The following MYO5B variants were observed in gnomAD, a reference collection of about 807,000 sequenced individuals.
The protein encoded by MYO5B is unconventional myosin-Vb.
MYO5B carries 143 observed loss-of-function variants against 229.3 expected under a neutral mutation model. The ratio of observed to expected loss-of-function variants is 0.62; its 90% CI spans 0.54 to 0.72. The LOEUF is 0.72. Among genes scored for constraint, MYO5B ranks in the 30% least tolerant of loss-of-function variants. The probability of loss-of-function intolerance (pLI) is 0.00; values close to 1 mark genes in which losing one functional copy is unlikely to be tolerated. For synonymous variants in MYO5B, 918 were observed against 885.2 expected, an observed-to-expected ratio of 1.04 and a Z score of -0.66; for missense variants, 2,321 against 2,331.0, an observed-to-expected ratio of 1.00 and a Z score of 0.09.
In MYO5B at chr18:49,826,308, C is replaced by T; in HGVS notation, c.*163G>A. The T allele has an allele frequency of 2.4e-6, 2 of 824,658 alleles. No homozygotes were observed. Among genetic ancestry groups the T allele is most frequent in the South Asian group, 1.6e-5 (1 of 62,806 alleles). 51.1% of individuals were successfully genotyped at this position (824,658 alleles called of 1,614,324 possible). On this transcript the variant is annotated 3_prime_UTR_variant, in exon 40 of 40. Transcript: ENST00000285039. The stretch of plus-strand genomic sequence containing the variant: ...GAGCAGTAGGTACAAAAAATAATGA[C>T]ATAGTTGTGTCTAATTCTGTATAGT...
chr18:50,156,615 C>T (rs997807365), intron 1 of MYO5B, among the ~76,000 whole-genome samples: 5 of 152,292 alleles, frequency 3.3e-5, no homozygotes, highest in African/African-American at 9.6e-5. Context: ...TACCCAGTCT[C>T]GGGAATGTCT....
intron 19 of MYO5B, among the ~76,000 whole-genome samples, 189 bp downstream of exon 19, chr18:49,906,230 C>T (rs749993407): frequency 2.6e-5 from 4 of 152,084 alleles, no homozygotes; most frequent in African/African-American, 4.8e-5. Context: ...ACTAGACCTA[C>T]CCCCTGAGGT....
At chr18:49,960,192 C>T (rs1216383888) in intron 12 of MYO5B, among the ~76,000 whole-genome samples, 1 of 152,218 alleles carries the variant, frequency 6.6e-6, no homozygotes, top group Non-Finnish European at 1.5e-5. Flanking sequence ...TTCCCACAGG[C>T]TGCTTCTGCA....
At chr18:50,025,468 C>T (rs1265179229) in intron 4 of MYO5B, among the ~76,000 whole-genome samples, 1 of 152,162 alleles carries the variant, frequency 6.6e-6, no homozygotes, top group Non-Finnish European at 1.5e-5. Context: ...GGATCTCCTC[C>T]CATCTCCTCT....
At chr18:49,831,230 T>C (rs2023916513) in intron 39 of MYO5B, among the ~76,000 whole-genome samples, 2 of 152,084 alleles carry the variant, frequency 1.3e-5, no homozygotes, top group African/African-American at 4.8e-5. Flanking sequence ...TTCTTAAAAA[T>C]GACATCAAGA....
At chr18:50,192,462 T>TG (rs1568139877) in intron 1 of MYO5B, among the ~76,000 whole-genome samples, 1 of 152,202 alleles carries the variant, frequency 6.6e-6, no homozygotes, top group South Asian at 2.1e-4. Flanking sequence ...AGCAACATTT[T>TG]GGGGGAATGC....
At chr18:49,892,520 G>A (rs1020695095) in intron 22 of MYO5B, among the ~76,000 whole-genome samples, 3 of 152,110 alleles carry the variant, frequency 2.0e-5, no homozygotes, top group Non-Finnish European at 2.9e-5. Flanking sequence ...ACTAGCAGTC[G>A]GCCCCCTCAC....
intron 1 of MYO5B, among the ~76,000 whole-genome samples, chr18:50,071,375 C>T (rs2852090): frequency 0.98 from 148,904 of 152,274 alleles, 72,895 homozygotes; most frequent in East Asian, 1. Context: ...AGGGTAGAGA[C>T]AAAATGTTCA....
chr18:50,142,468 C>T (rs1162274331), intron 1 of MYO5B, among the ~76,000 whole-genome samples: 1 of 152,176 alleles, frequency 6.6e-6, no homozygotes, highest in Non-Finnish European at 1.5e-5. Flanking sequence ...CACTTCCCAA[C>T]CAAAGTAGGA....
chr18:49,936,243 G>A lies in MYO5B; in HGVS notation c.2003+9C>T. 2.5e-6 allele frequency: 4 copies of A among 1,582,138 alleles called. No homozygotes were observed. The highest frequency in any genetic ancestry group is 3.4e-6 in the Non-Finnish European group (4 of 1,161,604). ...GGGCTGGACAGGCTAATGCCCAGCA[G>A]GCACTTACTGAAAGGGGAGCTTCTC... On this transcript the variant is annotated intron_variant, in intron 16 of 39. Transcript: ENST00000285039.
At chr18:50,094,761 T>C (rs2031517172) in intron 1 of MYO5B, among the ~76,000 whole-genome samples, 1 of 152,212 alleles carries the variant, frequency 6.6e-6, no homozygotes, top group African/African-American at 2.4e-5. Context: ...CCTGACTCTT[T>C]GTGTAGCCAT....
Position 49,879,035 on chromosome 18 carries a change from C to T in MYO5B, c.3186G>A (p.Glu1062=), listed in dbSNP as rs1294929377. 6.2e-7 allele frequency: 1 copy of T among 1,602,046 alleles called. No homozygotes were observed. Among genetic ancestry groups the T allele is most frequent in the African/African-American group, 1.4e-5 (1 of 70,714 alleles). ...CAAGGTTCTGGTACCGGGATCGCTCCTCCTCCAGTTCTTTCTTCATGAGAT... is the reference window on the plus strand; with the variant it reads ...CAAGGTTCTGGTACCGGGATCGCTCTTCCTCCAGTTCTTTCTTCATGAGAT... The part of the protein sequence containing the change: ...KENLMKKELE[E]ERSRYQNLVK... Residue 1062 remains glutamate, a synonymous_variant, in exon 24 of 40, where the codon GAG becomes GAA. Coordinates refer to ENST00000285039, the MANE Select transcript of MYO5B (RefSeq NM_001080467.3).
At chr18:49,988,838 T>C (rs967094271) in intron 7 of MYO5B, among the ~76,000 whole-genome samples, 2 of 152,202 alleles carry the variant, frequency 1.3e-5, no homozygotes, top group African/African-American at 4.8e-5. Flanking sequence ...GCTCAGCCCC[T>C]GTTCTGCTTA....
intron 1 of MYO5B, among the ~76,000 whole-genome samples, chr18:50,096,547 T>C (rs928370852): frequency 2.0e-5 from 3 of 152,134 alleles, no homozygotes; most frequent in Admixed American, 1.3e-4. Flanking sequence ...CAGAGCCTCC[T>C]GGATCAAGGT....
chr18:49,932,331 C>T (rs1481464824), intron 16 of MYO5B, among the ~76,000 whole-genome samples: 1 of 152,178 alleles, frequency 6.6e-6, no homozygotes, highest in East Asian at 1.9e-4. Flanking sequence ...TCGGTTTTCT[C>T]TTAGAGTCTC....
intron 1 of MYO5B, among the ~76,000 whole-genome samples, chr18:50,106,423 G>T (rs935727517): frequency 6.6e-6 from 1 of 152,260 alleles, no homozygotes; most frequent in South Asian, 2.1e-4. Flanking sequence ...GTGTCAAAGG[G>T]GTCATCATCA....
At chr18:50,002,458 T>C (rs1345677635) in intron 4 of MYO5B, among the ~76,000 whole-genome samples, 1 of 152,072 alleles carries the variant, frequency 6.6e-6, no homozygotes, top group Non-Finnish European at 1.5e-5. Context: ...CCAAGGAACA[T>C]GGATGTCCCT....
intron 1 of MYO5B, among the ~76,000 whole-genome samples, chr18:50,110,311 C>A (rs1240130191): frequency 6.6e-6 from 1 of 152,112 alleles, no homozygotes; most frequent in Non-Finnish European, 1.5e-5. Flanking sequence ...AATACTTTAT[C>A]CTGCTTATCT....
chr18:50,043,621 A>C (rs1487595520), intron 2 of MYO5B, among the ~76,000 whole-genome samples: 2 of 134,560 alleles, frequency 1.5e-5, no homozygotes, highest in African/African-American at 5.6e-5. Context: ...AATATATATA[A>C]ATATATAAAT....
Sources: allele counts gnomAD v4.1 joint callset (sites outside exome capture counted in the v4.1 genomes callset), GRCh38; gene constraint gnomAD v4.1.1; transcripts MANE v1.5; gene names NCBI Gene and HGNC (gene_info 2026-07-23, HGNC 2026-07-21).